The following DAP3 variants were observed in gnomAD, a reference collection of about 807,000 sequenced individuals.
DAP3 encodes death associated protein 3, also known as small ribosomal subunit protein mS29.
In DAP3, 28 loss-of-function variants were observed where a neutral mutation model predicts 51.9. The observed-to-expected ratio is 0.54, with a 90% confidence interval of 0.40 to 0.74. The LOEUF is 0.74. Ranked by LOEUF, DAP3 falls within the 30% of genes least tolerant of loss-of-function variation. The pLI is 0.00. For missense variants in DAP3, 458 were observed against 483.5 expected (o/e 0.95, Z 0.49); for synonymous variants, 170 against 170.3 (o/e 1.00, Z 0.01).
upstream of DAP3, chr1:155,688,653 G>C (rs1653108127): frequency 2.0e-6 from 3 of 1,533,950 alleles, no homozygotes; most frequent in Non-Finnish European, 1.7e-6. Context: ...AGGCCCTCAC[G>C]CGTACCTTCA....
intron 1 of DAP3, among the ~76,000 whole-genome samples, chr1:155,707,523 C>T (rs1239825050): frequency 6.6e-6 from 1 of 152,002 alleles, no homozygotes; most frequent in Non-Finnish European, 1.5e-5. Context: ...GTATTTTAAA[C>T]CTCTTAGCTC....
At chr1:155,702,333 C>T (rs933978510) in intron 1 of DAP3, among the ~76,000 whole-genome samples, 7 of 151,936 alleles carry the variant, frequency 4.6e-5, no homozygotes, top group African/African-American at 1.7e-4. Flanking sequence ...ATTAGCTGGG[C>T]ATGGTGGCGG....
chr1:155,727,540 G>T, intron 6 of DAP3, 68 bp from the exon 7 acceptor site: 1 of 1,550,308 alleles, frequency 6.5e-7, no homozygotes, highest in Non-Finnish European at 8.7e-7. Flanking sequence ...CTTAAAAGAG[G>T]CATAGAATAT....
In DAP3 at chr1:155,736,992, A is replaced by T; in HGVS notation, c.1040A>T (p.Asn347Ile). 2 of 1,614,154 alleles carry T rather than the reference A, an allele frequency of 1.2e-6. No homozygotes were observed. The highest frequency in any genetic ancestry group is 2.2e-5 in the South Asian group (2 of 91,084). The change falls in exon 12 of 13, where the codon AAC becomes ATC. Residue 347 changes from asparagine to isoleucine, a missense_variant. Transcript: ENST00000368336. ...LDPFIPILVS[N>I]YNPKEFESCI... ...CCCTTTATTCCCATCCTGGTTTCCA[A>T]CTATAACCCAAAGGAATTTGAAAGT...
At chr1:155,731,921 C>A in intron 10 of DAP3, 23 bp from the exon 11 acceptor site, 1 of 1,580,928 alleles carries the variant, frequency 6.3e-7, no homozygotes, top group South Asian at 1.2e-5. Context: ...TTTTCCAGTT[C>A]AGCCTTTTCT....
chr1:155,737,220 G>A (rs1022037992), intron 12 of DAP3, among the ~76,000 whole-genome samples, 157 bp downstream of exon 12: 6 of 152,104 alleles, frequency 3.9e-5, no homozygotes, highest in Non-Finnish European at 8.8e-5. Flanking sequence ...ACAGAAAAGC[G>A]GGTGGGAGGC....
At chr1:155,725,534 C>T (rs1215760902) in intron 5 of DAP3, 44 bp downstream of exon 5, 1 of 1,539,838 alleles carries the variant, frequency 6.5e-7, no homozygotes, top group Non-Finnish European at 9.0e-7. Context: ...CCAATGCTTT[C>T]TCCCCTCAAA....
chr1:155,697,708 C>T (rs1402040999), intron 1 of DAP3, among the ~76,000 whole-genome samples: 1 of 152,116 alleles, frequency 6.6e-6, no homozygotes, highest in Non-Finnish European at 1.5e-5. Context: ...CCATGTCCCG[C>T]TGGGCACATT....
intron 5 of DAP3, 130 bp from the exon 6 acceptor site, chr1:155,725,792 AAGCGG>A: frequency 1.4e-6 from 1 of 736,758 alleles, no homozygotes; most frequent in East Asian, 2.7e-5. Flanking sequence ...TGAACCCGGG[AAGCGG>A]AGGTTGCTGT....
intron 4 of DAP3, among the ~76,000 whole-genome samples, chr1:155,724,038 CA>C (rs560166121): frequency 0.22 from 17,451 of 80,546 alleles, 1,733 homozygotes; most frequent in African/African-American, 0.42. Context: ...GACTCTGTCT[CA>C]AAAAAAAAAA....
chr1:155,717,274 C>G, intron 3 of DAP3, 146 bp downstream of exon 3: 1 of 1,280,000 alleles, frequency 7.8e-7, no homozygotes, highest in Non-Finnish European at 1.1e-6. Flanking sequence ...CTCTGGAACC[C>G]AGATTCTCCC....
chr1:155,731,657 C>T lies in DAP3; in HGVS notation c.903+242C>T, dbSNP rs191278683. On this transcript the variant is annotated intron_variant, in intron 10 of 12. Transcript: ENST00000368336. ...CAAAACCATTTTATTTAAATATTGG[C>T]CTAATTTTATTTTGCTTGCAGACAT... The T allele has an allele frequency of 6.4e-4, 339 of 530,612 alleles. 2 individuals are homozygous for T. Among genetic ancestry groups the T allele is most frequent in the African/African-American group, 5.5e-3 (279 of 50,964 alleles). 32.9% of individuals were successfully genotyped at this position (530,612 alleles called of 1,614,324 possible).
intron 4 of DAP3, among the ~76,000 whole-genome samples, chr1:155,722,175 G>A (rs1262270119): frequency 6.6e-6 from 1 of 152,198 alleles, no homozygotes; most frequent in Admixed American, 6.5e-5. Context: ...GGAGGCCAAG[G>A]TGGAAGGATC....
chr1:155,726,085 C>T, intron 6 of DAP3, 66 bp downstream of exon 6: 1 of 1,274,882 alleles, frequency 7.8e-7, no homozygotes, highest in Admixed American at 2.3e-5. Flanking sequence ...GGTAGCCTTG[C>T]AGCTTTAATT....
chr1:155,689,244 G>T (rs886755965), intron 1 of DAP3, 70 bp downstream of exon 1: 1 of 682,152 alleles, frequency 1.5e-6, no homozygotes, highest in Non-Finnish European at 2.7e-6. Context: ...CCTCCAGGAG[G>T]TAGGGAGTGA....
At chr1:155,734,155 T>C (rs1271013966) in intron 11 of DAP3, among the ~76,000 whole-genome samples, 2 of 152,012 alleles carry the variant, frequency 1.3e-5, no homozygotes, top group African/African-American at 2.4e-5. Context: ...CGGCCCTATC[T>C]CAACAGGAAA....
chr1:155,735,664 TTTTTATTTTTTA>T (rs1659703732), intron 11 of DAP3, among the ~76,000 whole-genome samples: 1 of 151,994 alleles, frequency 6.6e-6, no homozygotes, highest in Non-Finnish European at 1.5e-5. Context: ...TTTCCCATTA[TTTTTATTTTTTA>T]TTTTATTTTA....
intron 1 of DAP3, among the ~76,000 whole-genome samples, chr1:155,690,489 G>C (rs912962546): frequency 7.1e-6 from 1 of 141,446 alleles, no homozygotes; most frequent in Non-Finnish European, 1.5e-5. Flanking sequence ...AAAGTTAGCC[G>C]AGATCACGCC....
At chr1:155,711,206 C>G (rs373063343) in intron 2 of DAP3, among the ~76,000 whole-genome samples, 2 of 152,272 alleles carry the variant, frequency 1.3e-5, no homozygotes, top group Non-Finnish European at 1.5e-5. Flanking sequence ...TAAATTTCCT[C>G]TCTCGGCCGG....
Sources: allele counts gnomAD v4.1 joint callset (sites outside exome capture counted in the v4.1 genomes callset), GRCh38; gene constraint gnomAD v4.1.1; transcripts MANE v1.5; gene names NCBI Gene and HGNC (gene_info 2026-07-23, HGNC 2026-07-21).